NCALD: variants seen among roughly 807,000 people sequenced by gnomAD.
NCALD encodes neurocalcin-delta.
In NCALD, 10 loss-of-function variants were observed where a neutral mutation model predicts 18.6. That is an observed-to-expected ratio of 0.54 (90% confidence interval 0.33 to 0.91). The LOEUF is 0.91. Ranked by LOEUF, NCALD falls within the 40% of genes least tolerant of loss-of-function variation. The pLI is 0.03. For missense variants in NCALD, 184 were observed against 247.6 expected (o/e 0.74, Z 1.72); for synonymous variants, 88 against 87.4 (o/e 1.01, Z -0.04).
At chr8:101,960,279 G>A (rs1294707400) in intron 2 of NCALD, among the ~76,000 whole-genome samples, 1 of 152,178 alleles carries the variant, frequency 6.6e-6, no homozygotes, top group Admixed American at 6.5e-5. Flanking sequence ...TGAAGTAGCT[G>A]CTAGAGGACT....
rs201623816 is a variant in NCALD, at chr8:101,886,082, GA to G, written c.-20+1058del. ...AGACTTAGTTCTCAATGCCATGAGG[GA>G]AAAAAAACATTAGATTTTGTTTAAC... On this transcript the variant is annotated intron_variant, in intron 4 of 6. Transcript: ENST00000311028. Among the ~76,000 whole-genome samples the G allele has an allele frequency of 7.4e-3, 1,117 of 151,692 alleles. 8 individuals carry two copies. The highest frequency in any genetic ancestry group is 0.022 in the African/African-American group (930 of 41,392).
intron 1 of NCALD, among the ~76,000 whole-genome samples, chr8:101,725,196 C>T (rs974726943): frequency 2.6e-5 from 4 of 152,188 alleles, no homozygotes; most frequent in Non-Finnish European, 5.9e-5. Context: ...TTTTGGCCTG[C>T]ACTGCTGCCC....
At chr8:101,821,993 G>C (rs1294133298) in intron 4 of NCALD, among the ~76,000 whole-genome samples, 3 of 151,798 alleles carry the variant, frequency 2.0e-5, no homozygotes, top group Non-Finnish European at 4.4e-5. Context: ...TGGAGATGAA[G>C]AGCTTGTGAA....
chr8:101,740,704 A>G (rs1006735336), intron 1 of NCALD, among the ~76,000 whole-genome samples: 12 of 152,322 alleles, frequency 7.9e-5, no homozygotes, highest in East Asian at 7.7e-4. Context: ...AAAAAACCCA[A>G]ACAGACAGAC....
At position 101,719,274 on chromosome 8, in the gene NCALD, G is replaced by C. The variant is rs200796006; in HGVS notation, c.356C>G (p.Ala119Gly). The C allele has an allele frequency of 1.3e-5, 21 of 1,613,848 alleles. No individual in the cohort carries two copies. The highest frequency in any genetic ancestry group is 1.8e-5 in the Non-Finnish European group (21 of 1,179,990). The change falls in exon 2 of 4, where the codon GCA becomes GGA. Residue 119 changes from alanine to glycine, a missense_variant. Physicochemically the swap from Ala to Gly is moderately conservative, Grantham distance 60. Transcript: ENST00000220931. The part of the protein sequence containing the change: ...DLDGNGYISK[A>G]EMLEIVQAIY... The stretch of plus-strand genomic sequence containing the variant: ...TACCTGCACGATCTCTAGCATCTCT[G>C]CCTTGCTGATATAGCCATTTCCGTC...
chr8:101,825,097 T>G (rs1177480974), intron 4 of NCALD, among the ~76,000 whole-genome samples: 2 of 152,228 alleles, frequency 1.3e-5, no homozygotes, highest in Non-Finnish European at 2.9e-5. Flanking sequence ...TATCCCACCC[T>G]GCAGTGATTC....
chr8:101,871,583 CTTT>C (rs3056946), intron 4 of NCALD, among the ~76,000 whole-genome samples: 10 of 138,798 alleles, frequency 7.2e-5, no homozygotes, highest in Non-Finnish European at 4.8e-5. Context: ...TTCAGATTTT[CTTT>C]TTTTTTTTTT....
chr8:101,924,942 G>A (rs1394455251), intron 2 of NCALD, among the ~76,000 whole-genome samples: 1 of 152,134 alleles, frequency 6.6e-6, no homozygotes, highest in Admixed American at 6.5e-5. Flanking sequence ...TTCTCCTGAG[G>A]TTCCTTCAGA....
At chr8:101,955,256 G>A (rs138247400) in intron 2 of NCALD, among the ~76,000 whole-genome samples, 1 of 152,286 alleles carries the variant, frequency 6.6e-6, no homozygotes, top group Non-Finnish European at 1.5e-5. Flanking sequence ...AAGGGGGGAG[G>A]ACGTTGGCCC....
chr8:102,011,511 C>T (rs1821902512), intron 2 of NCALD, among the ~76,000 whole-genome samples: 1 of 152,162 alleles, frequency 6.6e-6, no homozygotes, highest in South Asian at 2.1e-4. Context: ...AAGGGTACCC[C>T]TGAAGGCTCA....
intron 1 of NCALD, among the ~76,000 whole-genome samples, chr8:102,059,095 T>C (rs1823753906): frequency 6.6e-6 from 1 of 152,256 alleles, no homozygotes; most frequent in African/African-American, 2.4e-5. Flanking sequence ...AAATTTGTAT[T>C]GTTTAATCTA....
chr8:101,989,142 T>C (rs947522475), intron 2 of NCALD, among the ~76,000 whole-genome samples: 3 of 152,160 alleles, frequency 2.0e-5, no homozygotes, highest in African/African-American at 7.2e-5. Context: ...ACCTGGCTTT[T>C]GTGTGGGCTG....
intron 2 of NCALD, among the ~76,000 whole-genome samples, chr8:101,921,113 G>C (rs1818149481): frequency 6.6e-6 from 1 of 152,118 alleles, no homozygotes; most frequent in Non-Finnish European, 1.5e-5. Flanking sequence ...ATGGGCACAA[G>C]GAAGGAGTAG....
chr8:101,798,774 G>T (rs6468799), intron 4 of NCALD, among the ~76,000 whole-genome samples: 121,694 of 152,216 alleles, frequency 0.8, 48,796 homozygotes, highest in African/African-American at 0.85. Flanking sequence ...TAGCTACGAT[G>T]ATCAAGACTG....
At chr8:102,091,892 T>C (rs1238870820) in intron 1 of NCALD, among the ~76,000 whole-genome samples, 1 of 152,176 alleles carries the variant, frequency 6.6e-6, no homozygotes, top group Non-Finnish European at 1.5e-5. Context: ...GATGACTCTT[T>C]GTCCATTTAC....
At chr8:102,073,706 A>G (rs1427928384) in intron 1 of NCALD, among the ~76,000 whole-genome samples, 1 of 152,200 alleles carries the variant, frequency 6.6e-6, no homozygotes, top group Non-Finnish European at 1.5e-5. Flanking sequence ...GTTTGCCATA[A>G]AGCTTCAGGA....
At chr8:102,106,810 G>A (rs1446419087) in intron 1 of NCALD, among the ~76,000 whole-genome samples, 1 of 152,132 alleles carries the variant, frequency 6.6e-6, no homozygotes, top group Non-Finnish European at 1.5e-5. Context: ...GGAATTAGGA[G>A]AGTTTCTATA....
chr8:101,689,081 C>T lies in NCALD; in HGVS notation c.*228G>A. 1.4e-6 allele frequency: 1 copy of T among 703,010 alleles called. No individual in the cohort carries two copies. The highest frequency in any genetic ancestry group is 2.6e-6 in the Non-Finnish European group (1 of 385,078). 43.5% of individuals were successfully genotyped at this position (703,010 alleles called of 1,614,324 possible). On this transcript the variant is annotated 3_prime_UTR_variant, in exon 4 of 4. Coordinates refer to ENST00000220931, the MANE Select transcript of NCALD (RefSeq NM_032041.3). The surrounding 1 kb of genome is among the most constrained non-coding windows in gnomAD (Gnocchi z 4.4). ...CGATTAAAAATCATCAAACAATGAA[C>T]ACCACGAAGTCTGTCCATGCTCTCC...
At chr8:101,882,488 T>C (rs1266896479) in intron 4 of NCALD, among the ~76,000 whole-genome samples, 1 of 152,146 alleles carries the variant, frequency 6.6e-6, no homozygotes, top group Non-Finnish European at 1.5e-5. Context: ...ATCTTGGACT[T>C]CCCGACCTCA....
Sources: gnomAD v4.1 joint callset for allele counts (sites outside exome capture counted in the v4.1 genomes callset) on GRCh38, gnomAD v4.1.1 for gene constraint, Gnocchi (gnomAD v3.1) non-coding constraint, MANE v1.5 for transcripts, NCBI Gene and HGNC (gene_info 2026-07-23, HGNC 2026-07-21) for gene names.